Variants in ZMYM4 observed in about 807,000 individuals in gnomAD.
ZMYM4 encodes zinc finger MYM-type containing 4, also known as zinc finger MYM-type protein 4.
A neutral mutation model predicts 183.2 loss-of-function variants in ZMYM4; 31 were observed. That is an observed-to-expected ratio of 0.17 (90% CI 0.13 to 0.23). The LOEUF (loss-of-function observed/expected upper bound fraction) is 0.23. ZMYM4 is among the 10% of genes least tolerant of loss of function. ZMYM4 has a pLI of 1.00. For synonymous variants in ZMYM4, 592 were observed against 631.2 expected (o/e 0.94, Z 0.93); for missense variants, 1,273 against 1,840.3 (o/e 0.69, Z 5.64).
intron 2 of ZMYM4, chr1:35,351,410 A>G (rs1643601383): frequency 6.4e-7 from 1 of 1,572,712 alleles, no homozygotes; most frequent in Non-Finnish European, 8.7e-7. Flanking sequence ...AGAACAGCGT[A>G]ACTCCAGACA....
At chr1:35,294,891 A>G (rs1640931406) in intron 1 of ZMYM4, among the ~76,000 whole-genome samples, 2 of 152,270 alleles carry the variant, frequency 1.3e-5, no homozygotes, top group Admixed American at 6.5e-5. Context: ...CGGACTTTTC[A>G]GAACAAGGTA....
At chr1:35,409,959 C>A (rs190823414) in intron 26 of ZMYM4, among the ~76,000 whole-genome samples, 63 of 150,472 alleles carry the variant, frequency 4.2e-4, no homozygotes, top group Middle Eastern at 6.8e-3. Flanking sequence ...AAAAAAAATT[C>A]TCATGCAGAA....
intron 1 of ZMYM4, among the ~76,000 whole-genome samples, chr1:35,271,546 G>A (rs1247368756): frequency 6.6e-6 from 1 of 152,086 alleles, no homozygotes; most frequent in Non-Finnish European, 1.5e-5. Context: ...GGGATTACAG[G>A]CAAGCACCAC....
At chr1:35,296,177 A>G (rs1640998704) in intron 1 of ZMYM4, among the ~76,000 whole-genome samples, 1 of 152,166 alleles carries the variant, frequency 6.6e-6, no homozygotes, top group Non-Finnish European at 1.5e-5. Context: ...TACTAACAGA[A>G]TGACCCCTGG....
chr1:35,299,810 T>TA lies in ZMYM4; in HGVS notation c.40-25549dup, dbSNP rs1641192869. ...TTTCTTTCTTTTCTTTTTTTTTTTT[T>TA]ATGAGACAGAGTCTTGCTCTGTTGC... On this transcript the variant is annotated intron_variant, in intron 1 of 29. Transcript: ENST00000314607. Among the ~76,000 whole-genome samples, 3 of 151,730 alleles carry TA rather than the reference T, an allele frequency of 2.0e-5. No individual in the cohort carries two copies. In the South Asian group the frequency reaches 6.2e-4, roughly 31 times the overall value.
At chr1:35,276,718 C>T (rs1316577828) in intron 1 of ZMYM4, among the ~76,000 whole-genome samples, 1 of 152,090 alleles carries the variant, frequency 6.6e-6, no homozygotes. Flanking sequence ...AGCGATTTTC[C>T]TGCTTCAGCC....
intron 1 of ZMYM4, among the ~76,000 whole-genome samples, chr1:35,311,907 C>T (rs946435426): frequency 6.6e-6 from 1 of 150,700 alleles, no homozygotes; most frequent in Non-Finnish European, 1.5e-5. Flanking sequence ...CCTTTTTTTT[C>T]GAGACGAGGT....
At chr1:35,372,836 A>G (rs1050028097) in intron 7 of ZMYM4, among the ~76,000 whole-genome samples, 2 of 152,276 alleles carry the variant, frequency 1.3e-5, no homozygotes, top group Non-Finnish European at 1.5e-5. Flanking sequence ...GGATTTCTGG[A>G]TTAGGGATAC....
At chr1:35,379,194 G>A (rs1644398451) in intron 7 of ZMYM4, among the ~76,000 whole-genome samples, 1 of 152,074 alleles carries the variant, frequency 6.6e-6, no homozygotes, top group Non-Finnish European at 1.5e-5. Flanking sequence ...TCCGCCTCCC[G>A]GGTTCAAGCA....
chr1:35,312,501 C>T (rs557766196), intron 1 of ZMYM4, among the ~76,000 whole-genome samples: 1 of 152,208 alleles, frequency 6.6e-6, no homozygotes. Flanking sequence ...ATATCCAGAA[C>T]CCTCTACCAT....
chr1:35,398,451 A>G lies in ZMYM4; in HGVS notation c.3238A>G (p.Lys1080Glu), dbSNP rs1239984351. The G allele has an allele frequency of 1.2e-6, 2 of 1,611,976 alleles. No individual in the cohort carries two copies. Among genetic ancestry groups the G allele is most frequent in the African/African-American group, 1.3e-5 (1 of 74,792 alleles). The change falls in exon 21 of 30, where the codon AAG (lysine) becomes GAG (glutamate). Residue 1080 changes from lysine (K) to glutamate (E), a missense_variant. Physicochemically the swap from Lys to Glu is moderately conservative, Grantham distance 56. Transcript: ENST00000314607. ...TSEHELFLDT[K>E]IFEKDQGSTY... ...TGAACACGAACTCTTTCTAGACACC[A>G]AGATATTTGAAAAAGGTTTGTAGTT...
intron 1 of ZMYM4, among the ~76,000 whole-genome samples, chr1:35,273,078 T>C (rs2148664788): frequency 6.6e-6 from 1 of 152,338 alleles, no homozygotes; most frequent in Admixed American, 6.5e-5. Context: ...GCCTGATGTC[T>C]TGTTTTTATA....
intron 20 of ZMYM4, 111 bp downstream of exon 20, chr1:35,397,656 G>A: frequency 1.1e-6 from 1 of 900,634 alleles, no homozygotes; most frequent in Non-Finnish European, 1.5e-6. Context: ...TTTATTGTCT[G>A]TGAATACCAA....
intron 1 of ZMYM4, among the ~76,000 whole-genome samples, chr1:35,272,559 G>T (rs1054970036): frequency 1.3e-5 from 2 of 152,170 alleles, no homozygotes; most frequent in South Asian, 2.1e-4. Flanking sequence ...AGGCTCTATG[G>T]GTTGAGTACC....
chr1:35,347,775 A>G (rs1386120379), intron 2 of ZMYM4, among the ~76,000 whole-genome samples: 1 of 152,132 alleles, frequency 6.6e-6, no homozygotes, highest in African/African-American at 2.4e-5. Context: ...CCGTCTCCCC[A>G]TATCTCTGTG....
intron 1 of ZMYM4, among the ~76,000 whole-genome samples, chr1:35,292,039 G>T (rs115088974): frequency 0.013 from 1,971 of 152,162 alleles, 45 homozygotes; most frequent in African/African-American, 0.045. Flanking sequence ...AAAGTTAGTT[G>T]GGAACTGAAG....
rs2149056488 is a variant in ZMYM4 at position 35,421,781 on chromosome 1, AT to A, written c.*2106del. Reference sequence around the variant, plus strand: ...TTATTGCTTTTTTAATTTTATGAAAATTGTGTAAAATTACATTTTTTTTCCA... The same window carrying A: ...TTATTGCTTTTTTAATTTTATGAAAATGTGTAAAATTACATTTTTTTTCCA... On this transcript the variant is annotated 3_prime_UTR_variant, in exon 30 of 30. Coordinates refer to ENST00000314607, the MANE Select transcript of ZMYM4 (RefSeq NM_005095.3). The A allele has an allele frequency of 6.6e-6, 1 of 152,252 alleles. No individual in the cohort carries two copies. Among genetic ancestry groups the A allele is most frequent in the East Asian group, 1.9e-4 (1 of 5,172 alleles). 9.4% of individuals were successfully genotyped at this position (152,252 alleles called of 1,614,324 possible).
At position 35,397,272 on chromosome 1, in the gene ZMYM4, C is replaced by T. The variant is rs1409104157; in HGVS notation, c.3031-105C>T. On this transcript the variant is annotated intron_variant, in intron 19 of 29. Coordinates refer to ENST00000314607, the MANE Select transcript of ZMYM4 (RefSeq NM_005095.3). ...TTTTAATCATCAGCAATGAATATAC[C>T]TTAAATTTGTTTACTATTTTAATAC... 6 of 1,274,232 alleles carry T rather than the reference C, an allele frequency of 4.7e-6. No homozygotes were observed. The African/African-American group carries it at 6.0e-5, about 13-fold the overall frequency. The allele number at this position is 1,274,232 out of a possible 1,614,324, so 78.9% of individuals were successfully genotyped here. A position where few individuals can be genotyped will look rare whatever the true frequency, so the allele number is the denominator to read the frequency against.
chr1:35,370,122 C>A lies in ZMYM4; in HGVS notation c.925+9C>A. 6.2e-7 allele frequency: 1 copy of A among 1,611,868 alleles called. No individual in the cohort carries two copies. The highest frequency in any genetic ancestry group is 8.5e-7 in the Non-Finnish European group (1 of 1,178,500). ...CAGTGGCAGCCCTCTTGGTAAGAAA[C>A]AGACCTGAATAAATGGATTGTGTAT... is the stretch of plus-strand genomic sequence containing the variant. On this transcript the variant is annotated intron_variant, in intron 6 of 29. Coordinates refer to ENST00000314607, the MANE Select transcript of ZMYM4 (RefSeq NM_005095.3).
Sources: gnomAD v4.1 joint callset for allele counts (sites outside exome capture counted in the v4.1 genomes callset) on GRCh38, gnomAD v4.1.1 for gene constraint, MANE v1.5 for transcripts, NCBI Gene and HGNC (gene_info 2026-07-23, HGNC 2026-07-21) for gene names.